Variants in TLE1 observed in about 807,000 individuals in gnomAD.
TLE1 encodes transducin-like enhancer protein 1.
Under a neutral mutation model 89.8 loss-of-function variants are expected in TLE1, and 21 were observed. The observed-to-expected ratio is 0.23, with a 90% CI of 0.17 to 0.34. TLE1 has a LOEUF of 0.34. Among genes scored for constraint, TLE1 ranks in the 10% least tolerant of loss-of-function variants. The pLI is 1.00. For missense variants in TLE1, 795 were observed against 1,031.2 expected (o/e 0.77, Z 3.14); for synonymous variants, 447 against 407.6 (o/e 1.10, Z -1.16).
At chr9:81,644,131 A>T (rs915106226) in intron 6 of TLE1, among the ~76,000 whole-genome samples, 35 of 152,194 alleles carry the variant, frequency 2.3e-4, no homozygotes, top group African/African-American at 8.0e-4. Flanking sequence ...GAATTCTCGT[A>T]CGCTATTGTG....
At chr9:81,642,700 T>TGAGAGAAAA (rs1828288610) in intron 6 of TLE1, among the ~76,000 whole-genome samples, 1 of 58,942 alleles carries the variant, frequency 1.7e-5, no homozygotes, top group Non-Finnish European at 3.2e-5. Context: ...TCTCAAAAAA[T>TGAGAGAAAA]GAAAGAAAAG....
At chr9:81,644,657 G>C (rs763687845) in intron 6 of TLE1, among the ~76,000 whole-genome samples, 1 of 152,270 alleles carries the variant, frequency 6.6e-6, no homozygotes, top group East Asian at 1.9e-4. Flanking sequence ...TGGTTGTACA[G>C]CAATGTGAAT....
intron 6 of TLE1, among the ~76,000 whole-genome samples, chr9:81,642,023 C>CA (rs1276502388): frequency 2.0e-5 from 3 of 148,334 alleles, no homozygotes; most frequent in East Asian, 4.0e-4. Flanking sequence ...ACTCCATCTC[C>CA]AAAAAAAAAG....
chr9:81,689,167 A>G lies in TLE1; in HGVS notation c.-927T>C, dbSNP rs1834729744. On this transcript the variant is annotated 5_prime_UTR_variant, in exon 1 of 20. Transcript: ENST00000376499. Reference sequence around the variant, plus strand: ...TCGGTCTTCTTTCTTTCCTTCCTTCACCTTCGTGTGCTTCTCCGCAAAGGG... The same window carrying G: ...TCGGTCTTCTTTCTTTCCTTCCTTCGCCTTCGTGTGCTTCTCCGCAAAGGG... 1 of 151,794 alleles carries G rather than the reference A, an allele frequency of 6.6e-6. No homozygotes were observed. Among genetic ancestry groups the G allele is most frequent in the Non-Finnish European group, 1.5e-5 (1 of 67,964 alleles). The allele number at this position is 151,794 out of a possible 1,614,324, so 9.4% of individuals were successfully genotyped here.
At chr9:81,615,583 C>T (rs1006840186) in intron 11 of TLE1, among the ~76,000 whole-genome samples, 6 of 146,762 alleles carry the variant, frequency 4.1e-5, no homozygotes, top group African/African-American at 1.0e-4. Flanking sequence ...CATGGTCGCG[C>T]GCGCCTGTAA....
chr9:81,647,022 C>T (rs1021842813), intron 6 of TLE1, among the ~76,000 whole-genome samples: 1 of 151,828 alleles, frequency 6.6e-6, no homozygotes, highest in Non-Finnish European at 1.5e-5. Flanking sequence ...TGCCTAAACC[C>T]GAATTTCATG....
At chr9:81,631,152 T>C (rs540230457) in intron 8 of TLE1, among the ~76,000 whole-genome samples, 10 of 152,232 alleles carry the variant, frequency 6.6e-5, no homozygotes, top group African/African-American at 9.6e-5. Context: ...CCCTAACTTA[T>C]AGACTTACAA....
chr9:81,616,190 C>A, intron 10 of TLE1, 56 bp from the exon 11 acceptor site: 1 of 1,552,204 alleles, frequency 6.4e-7, no homozygotes, highest in South Asian at 1.2e-5. Context: ...ACAGACTTTT[C>A]CCTTTCCACA....
At chr9:81,677,599 T>A (rs1005826283) in intron 4 of TLE1, among the ~76,000 whole-genome samples, 6 of 144,932 alleles carry the variant, frequency 4.1e-5, no homozygotes, top group Non-Finnish European at 7.5e-5. Flanking sequence ...ACAACTCAGG[T>A]AAACGCACTC....
chr9:81,637,002 CAAA>C (rs370837419), intron 6 of TLE1, among the ~76,000 whole-genome samples: 3 of 78,834 alleles, frequency 3.8e-5, no homozygotes, highest in Non-Finnish European at 5.3e-5. Context: ...GACTCCGTCT[CAAA>C]AAAAAAAAAA....
At chr9:81,687,119 G>A (rs1030365114) in intron 2 of TLE1, among the ~76,000 whole-genome samples, 5 of 152,206 alleles carry the variant, frequency 3.3e-5, no homozygotes, top group Non-Finnish European at 7.3e-5. Flanking sequence ...AGTGCAAACC[G>A]GCAAAAGGGA....
At position 81,590,912 on chromosome 9, in the gene TLE1, G is replaced by A. The variant is rs757664691; in HGVS notation, c.1722C>T (p.Ala574=). 6.8e-6 allele frequency: 11 copies of A among 1,614,286 alleles called. No homozygotes were observed. Among genetic ancestry groups the A allele is most frequent in the Non-Finnish European group, 9.3e-6 (11 of 1,180,054 alleles). Residue 574 remains alanine, a synonymous_variant, in exon 16 of 20, where the codon GCC becomes GCT. Coordinates refer to ENST00000376499, the MANE Select transcript of TLE1 (RefSeq NM_005077.5). ...TGATGGCCAGGGCGTAGCAGGCGGGGGCCGAGGACGTCAGCTCCGCCTTGA... is the reference window on the plus strand; with the variant it reads ...TGATGGCCAGGGCGTAGCAGGCGGGAGCCGAGGACGTCAGCTCCGCCTTGA... ...PRIKAELTSS[A]PACYALAISP...
intron 1 of TLE1, 38 bp downstream of exon 1, chr9:81,688,179 C>T (rs1564094278): frequency 6.2e-7 from 1 of 1,600,794 alleles, no homozygotes; most frequent in Non-Finnish European, 8.5e-7. Flanking sequence ...GCCTCCCCAA[C>T]GATCCTGGCC....
At chr9:81,633,199 TA>T in intron 8 of TLE1, 148 bp downstream of exon 8, 1 of 1,357,880 alleles carries the variant, frequency 7.4e-7, no homozygotes, top group Non-Finnish European at 9.6e-7. Flanking sequence ...GGAAAAAAAG[TA>T]AAAGAAAAAA....
rs537584546 is a variant in TLE1 at position 81,639,583 on chromosome 9, T to G, written c.373-5282A>C. On this transcript the variant is annotated intron_variant, in intron 6 of 19. Coordinates refer to ENST00000376499, the MANE Select transcript of TLE1 (RefSeq NM_005077.5). The stretch of plus-strand genomic sequence containing the variant: ...AGTGATTAGTAAAAGTTGTTTTTTT[T>G]TTTTGTTTTTTTTTTTTTTGAGACA... Among the ~76,000 whole-genome samples the G allele has an allele frequency of 5.4e-5, 8 of 148,554 alleles. 1 individual carries two copies. The highest frequency in any genetic ancestry group is 4.0e-4 in the East Asian group (2 of 4,956).
intron 6 of TLE1, among the ~76,000 whole-genome samples, chr9:81,643,818 G>C (rs142832978): frequency 2.0e-5 from 3 of 152,310 alleles, no homozygotes; most frequent in African/African-American, 4.8e-5. Flanking sequence ...TTACATGTGT[G>C]AGCCACCATG....
intron 4 of TLE1, among the ~76,000 whole-genome samples, chr9:81,666,403 G>C (rs1831467551): frequency 1.3e-5 from 2 of 152,230 alleles, no homozygotes; most frequent in Non-Finnish European, 2.9e-5. Flanking sequence ...ACCACACAAT[G>C]GCAGGATTAG....
Position 81,611,771 on chromosome 9 carries a change from T to TG in TLE1, c.1251dup (p.Met418HisfsTer5). 6.5e-7 allele frequency: 1 copy of TG among 1,527,432 alleles called. No homozygotes were observed. Among genetic ancestry groups the TG allele is most frequent in the Non-Finnish European group, 8.7e-7 (1 of 1,146,346 alleles). 94.6% of individuals were successfully genotyped at this position (1,527,432 alleles called of 1,614,324 possible). A position where few individuals can be genotyped will look rare whatever the true frequency, so the allele number is the denominator to read the frequency against. On this transcript the variant is annotated frameshift_variant, in exon 13 of 20. Coordinates refer to ENST00000376499, the MANE Select transcript of TLE1 (RefSeq NM_005077.5). LOFTEE classifies it high-confidence loss of function. ...CAGCCCACCCGACAGCGGCCTACCA[T>TG]GGGGGAGCGCCCGTAGGCCACCACG...
At chr9:81,651,133 A>ATC (rs1455123331) in intron 6 of TLE1, among the ~76,000 whole-genome samples, 1 of 152,218 alleles carries the variant, frequency 6.6e-6, no homozygotes, top group Non-Finnish European at 1.5e-5. Flanking sequence ...ATGTCTAATT[A>ATC]TCATTACAAA....
Sources: allele counts gnomAD v4.1 joint callset (sites outside exome capture counted in the v4.1 genomes callset), GRCh38; gene constraint gnomAD v4.1.1; transcripts MANE v1.5; gene names NCBI Gene and HGNC (gene_info 2026-07-23, HGNC 2026-07-21).